The following GPR176 variants were observed in gnomAD, a reference collection of about 807,000 sequenced individuals.
GPR176 encodes G protein-coupled receptor 176.
GPR176 carries 26 observed loss-of-function variants against 35.4 expected under a neutral mutation model. The ratio of observed to expected loss-of-function variants is 0.74; its 90% CI spans 0.54 to 1.02. The LOEUF (loss-of-function observed/expected upper bound fraction) is 1.02, where lower values mean the gene tolerates loss of function less well. Among genes scored for constraint, GPR176 ranks in the 50% least tolerant of loss-of-function variants. The probability of loss-of-function intolerance (pLI) is 0.00; values close to 1 mark genes in which losing one functional copy is unlikely to be tolerated. For missense variants in GPR176, 597 were observed against 665.3 expected (o/e 0.90, Z 1.13); for synonymous variants, 278 against 271.3 (o/e 1.02, Z -0.24).
chr15:39,815,337 G>T (rs1348803556), intron 1 of GPR176: 1 of 152,250 alleles, frequency 6.6e-6, no homozygotes. Flanking sequence ...CCCTGTGAAG[G>T]CCCCTTGAGT....
At chr15:39,843,609 G>C (rs1237103723) in intron 1 of GPR176, among the ~76,000 whole-genome samples, 1 of 152,068 alleles carries the variant, frequency 6.6e-6, no homozygotes, top group Non-Finnish European at 1.5e-5. Flanking sequence ...CACAGGCATA[G>C]CTATGCCTGA....
At chr15:39,836,413 T>C (rs558302390) in intron 1 of GPR176, among the ~76,000 whole-genome samples, 1 of 152,246 alleles carries the variant, frequency 6.6e-6, no homozygotes, top group African/African-American at 2.4e-5. Context: ...TCTCTCACCA[T>C]GTGACATGCC....
intron 1 of GPR176, among the ~76,000 whole-genome samples, chr15:39,819,922 C>T (rs1900157109): frequency 6.6e-6 from 1 of 152,166 alleles, no homozygotes; most frequent in Non-Finnish European, 1.5e-5. Context: ...TGATCTGACA[C>T]AATCTGACAA....
intron 1 of GPR176, among the ~76,000 whole-genome samples, chr15:39,864,736 C>T (rs778450993): frequency 6.6e-5 from 10 of 151,870 alleles, no homozygotes; most frequent in Non-Finnish European, 1.3e-4. Flanking sequence ...GCAAAATAAT[C>T]AAGAGTGAAC....
At chr15:39,871,496 G>C (rs1471401501) in intron 1 of GPR176, among the ~76,000 whole-genome samples, 2 of 152,188 alleles carry the variant, frequency 1.3e-5, no homozygotes, top group African/African-American at 4.8e-5. Context: ...TTTCTGTAGA[G>C]AGAAATACAG....
intron 1 of GPR176, among the ~76,000 whole-genome samples, chr15:39,837,472 G>A (rs772583435): frequency 9.2e-5 from 14 of 152,074 alleles, no homozygotes; most frequent in Non-Finnish European, 1.9e-4. Flanking sequence ...TCCTATTTAA[G>A]CTTTAAGGAT....
At chr15:39,902,229 C>T (rs575283488) in intron 1 of GPR176, among the ~76,000 whole-genome samples, 28 of 152,316 alleles carry the variant, frequency 1.8e-4, no homozygotes, top group Non-Finnish European at 3.2e-4. Context: ...AGTACAATCA[C>T]AAAAGAGGCA....
intron 1 of GPR176, among the ~76,000 whole-genome samples, chr15:39,850,299 T>C (rs1307136292): frequency 1.3e-5 from 2 of 152,154 alleles, no homozygotes; most frequent in Non-Finnish European, 2.9e-5. Flanking sequence ...TCAGCTATCA[T>C]CTAAAGGGGC....
intron 1 of GPR176, among the ~76,000 whole-genome samples, chr15:39,853,626 T>C (rs1036476354): frequency 6.6e-6 from 1 of 152,194 alleles, no homozygotes; most frequent in Admixed American, 6.5e-5. Context: ...TCCTCTAGAA[T>C]AGTGGCTCTC....
At chr15:39,875,653 T>G (rs548293181) in intron 1 of GPR176, among the ~76,000 whole-genome samples, 1 of 152,340 alleles carries the variant, frequency 6.6e-6, no homozygotes, top group African/African-American at 2.4e-5. Flanking sequence ...AAATCCTGAC[T>G]TGCAATTTCT....
At chr15:39,889,312 C>T (rs2032779932) in intron 1 of GPR176, among the ~76,000 whole-genome samples, 1 of 152,044 alleles carries the variant, frequency 6.6e-6, no homozygotes, top group African/African-American at 2.4e-5. Flanking sequence ...CTTTGGGAGG[C>T]TGAGGTGGGT....
chr15:39,814,859 C>T (rs935555272), intron 1 of GPR176: 1 of 152,184 alleles, frequency 6.6e-6, no homozygotes, highest in Non-Finnish European at 1.5e-5. Flanking sequence ...GATCCTGAAA[C>T]CCAACTCCCA....
chr15:39,805,734 A>C (rs1214604265), intron 2 of GPR176, among the ~76,000 whole-genome samples: 3 of 152,238 alleles, frequency 2.0e-5, no homozygotes, highest in Non-Finnish European at 4.4e-5. Flanking sequence ...TATCTAAGGA[A>C]GAATGTGCCA....
At chr15:39,872,224 G>T (rs1222271800) in intron 1 of GPR176, among the ~76,000 whole-genome samples, 1 of 152,210 alleles carries the variant, frequency 6.6e-6, no homozygotes, top group Non-Finnish European at 1.5e-5. Context: ...AAAAGAAGAG[G>T]TATGAAGTCT....
intron 1 of GPR176, among the ~76,000 whole-genome samples, chr15:39,874,964 C>A (rs2032187455): frequency 6.6e-6 from 1 of 152,190 alleles, no homozygotes; most frequent in African/African-American, 2.4e-5. Context: ...ATCACTTGAA[C>A]CTGGGAGGCG....
At chr15:39,888,432 C>G (rs1482149154) in intron 1 of GPR176, among the ~76,000 whole-genome samples, 1 of 152,146 alleles carries the variant, frequency 6.6e-6, no homozygotes, top group Non-Finnish European at 1.5e-5. Flanking sequence ...ACTACAGGCA[C>G]AGGCCATCAC....
intron 1 of GPR176, among the ~76,000 whole-genome samples, chr15:39,873,425 A>T (rs531414253): frequency 9.9e-5 from 15 of 152,152 alleles, no homozygotes; most frequent in Non-Finnish European, 1.8e-4. Flanking sequence ...AAGAGAGAGA[A>T]ATCAAATATA....
chr15:39,873,504 A>T (rs1003610305), intron 1 of GPR176, among the ~76,000 whole-genome samples: 1 of 152,134 alleles, frequency 6.6e-6, no homozygotes, highest in Non-Finnish European at 1.5e-5. Flanking sequence ...ACCGAAAACT[A>T]CAACACTGGC....
At chr15:39,815,741 G>C (rs917849465) in intron 1 of GPR176, among the ~76,000 whole-genome samples, 1 of 152,060 alleles carries the variant, frequency 6.6e-6, no homozygotes, top group Non-Finnish European at 1.5e-5. Context: ...CACCAGGGAG[G>C]TTCCTCAAAA....
Sources: gnomAD v4.1 joint callset for allele counts (sites outside exome capture counted in the v4.1 genomes callset) on GRCh38, gnomAD v4.1.1 for gene constraint, MANE v1.5 for transcripts, NCBI Gene and HGNC (gene_info 2026-07-23, HGNC 2026-07-21) for gene names.